The following TAFA1 variants were observed in gnomAD, a reference collection of about 807,000 sequenced individuals.
The protein encoded by TAFA1 is TAFA chemokine like family member 1, also known as chemokine-like protein TAFA-1.
A neutral mutation model predicts 18.5 loss-of-function variants in TAFA1; 4 were observed. That is an observed-to-expected ratio of 0.22 (90% confidence interval 0.11 to 0.49). TAFA1 has a LOEUF of 0.49. Among genes scored for constraint, TAFA1 ranks in the 20% least tolerant of loss-of-function variants. The probability of loss-of-function intolerance (pLI) is 0.98; values close to 1 mark genes in which losing one functional copy is unlikely to be tolerated. For synonymous variants in TAFA1, 56 were observed against 55.2 expected (o/e 1.01, Z -0.06); for missense variants, 147 against 169.0 (o/e 0.87, Z 0.72).
chr3:68,076,123 T>A (rs2064820353), intron 2 of TAFA1, among the ~76,000 whole-genome samples: 1 of 152,152 alleles, frequency 6.6e-6, no homozygotes, highest in East Asian at 1.9e-4. Flanking sequence ...TATTTAAGCA[T>A]TCTTGGTGAA....
intron 2 of TAFA1, among the ~76,000 whole-genome samples, chr3:68,283,386 T>C (rs2107261109): frequency 6.6e-6 from 1 of 152,304 alleles, no homozygotes; most frequent in South Asian, 2.1e-4. Context: ...ACACACCAAG[T>C]CAGGTATGGC....
At chr3:68,253,684 G>C (rs1427205688) in intron 2 of TAFA1, among the ~76,000 whole-genome samples, 1 of 152,188 alleles carries the variant, frequency 6.6e-6, no homozygotes, top group African/African-American at 2.4e-5. Context: ...ATGCTAGATA[G>C]TACAATGATT....
chr3:68,220,965 G>A (rs2066722271), intron 2 of TAFA1, among the ~76,000 whole-genome samples: 1 of 152,096 alleles, frequency 6.6e-6, no homozygotes, highest in Non-Finnish European at 1.5e-5. Flanking sequence ...GAACTGGGTT[G>A]CTTTATGTTC....
intron 2 of TAFA1, among the ~76,000 whole-genome samples, chr3:68,246,169 T>C (rs748201899): frequency 2.6e-5 from 4 of 152,168 alleles, no homozygotes; most frequent in African/African-American, 4.8e-5. Context: ...GTTGCCTTCA[T>C]TGTGTCCAAA....
At chr3:68,443,473 C>CAAAA (rs56944130) in intron 3 of TAFA1, among the ~76,000 whole-genome samples, 57 of 96,108 alleles carry the variant, frequency 5.9e-4, no homozygotes, top group African/African-American at 1.7e-3. Flanking sequence ...GGGCAATTTA[C>CAAAA]AAAAAAAAAA....
intron 2 of TAFA1, among the ~76,000 whole-genome samples, chr3:68,024,398 T>A (rs536209521): frequency 6.6e-6 from 1 of 152,240 alleles, no homozygotes; most frequent in Admixed American, 6.5e-5. Context: ...ATGGCAATAT[T>A]TTTCCTCTCC....
chr3:68,441,602 A>G (rs1356416164), intron 3 of TAFA1, among the ~76,000 whole-genome samples: 2 of 152,102 alleles, frequency 1.3e-5, no homozygotes, highest in African/African-American at 2.4e-5. Context: ...TCCATCATCA[A>G]ATAGAATTGA....
At chr3:68,163,080 G>A (rs1426668762) in intron 2 of TAFA1, among the ~76,000 whole-genome samples, 1 of 152,168 alleles carries the variant, frequency 6.6e-6, no homozygotes, top group South Asian at 2.1e-4. Flanking sequence ...AACAAATAAA[G>A]CTTTATTAAC....
chr3:68,535,644 A>G (rs2073267610), intron 3 of TAFA1, among the ~76,000 whole-genome samples: 1 of 152,214 alleles, frequency 6.6e-6, no homozygotes, highest in African/African-American at 2.4e-5. Context: ...ACAATATAAT[A>G]GAGTAGACAT....
chr3:68,344,314 CA>C (rs1311567515), intron 2 of TAFA1, among the ~76,000 whole-genome samples: 1 of 152,134 alleles, frequency 6.6e-6, no homozygotes, highest in African/African-American at 2.4e-5. Flanking sequence ...CTACTGTACA[CA>C]GTGAAAAACT....
intron 2 of TAFA1, among the ~76,000 whole-genome samples, chr3:68,039,099 G>A (rs1398133110): frequency 1.3e-5 from 2 of 152,100 alleles, no homozygotes; most frequent in Non-Finnish European, 2.9e-5. Context: ...CCATCTGCTG[G>A]TCCCCATATC....
intron 2 of TAFA1, among the ~76,000 whole-genome samples, chr3:68,164,676 G>A (rs73092987): frequency 0.018 from 2,594 of 144,826 alleles, 34 homozygotes; most frequent in Middle Eastern, 0.044. Flanking sequence ...GTAGTTACAC[G>A]GGGAAGTTAA....
chr3:68,326,269 C>T (rs558028499), intron 2 of TAFA1, among the ~76,000 whole-genome samples: 1 of 152,196 alleles, frequency 6.6e-6, no homozygotes, highest in East Asian at 1.9e-4. Context: ...TTGACATGTT[C>T]CTTGTGTCAC....
intron 2 of TAFA1, among the ~76,000 whole-genome samples, chr3:68,324,985 T>C (rs1400564455): frequency 1.8e-4 from 28 of 152,148 alleles, no homozygotes; most frequent in Non-Finnish European, 3.4e-4. Flanking sequence ...CCTTGTCTAA[T>C]GTGGGTGGGT....
intron 2 of TAFA1, among the ~76,000 whole-genome samples, chr3:68,148,126 A>G (rs917942456): frequency 1.3e-5 from 2 of 152,222 alleles, no homozygotes; most frequent in Non-Finnish European, 1.5e-5. Context: ...TAGTTTGTCT[A>G]ATTAATAGCC....
intron 2 of TAFA1, among the ~76,000 whole-genome samples, chr3:68,038,326 G>A (rs1035933937): frequency 6.6e-6 from 1 of 152,166 alleles, no homozygotes; most frequent in Non-Finnish European, 1.5e-5. Context: ...TCAAGATTTT[G>A]TGTTCCAGGA....
chr3:68,538,823 A>G lies in TAFA1; in HGVS notation c.327A>G (p.Thr109=), dbSNP rs777393903. The G allele has an allele frequency of 1.3e-5, 21 of 1,613,408 alleles. No individual in the cohort carries two copies. Among genetic ancestry groups the G allele is most frequent in the Middle Eastern group, 3.3e-4 (2 of 6,080 alleles). ...GCCTAGAAGGAGAAGAATGTAAGACACTCCCTGACAATTCTGGATGGATGT... is the reference window on the plus strand; with the variant it reads ...GCCTAGAAGGAGAAGAATGTAAGACGCTCCCTGACAATTCTGGATGGATGT... ...EPCLEGEECK[T]LPDNSGWMCA... is the part of the protein sequence containing the mutation. Residue 109 remains threonine, a synonymous_variant, in exon 4 of 5, where the codon ACA becomes ACG. Transcript: ENST00000478136.
intron 2 of TAFA1, among the ~76,000 whole-genome samples, chr3:68,343,992 C>A (rs554721840): frequency 6.6e-6 from 1 of 152,010 alleles, no homozygotes; most frequent in African/African-American, 2.4e-5. Context: ...TACAGGCATG[C>A]GCCACCACGC....
At chr3:68,011,444 T>G (rs1001836601) in intron 2 of TAFA1, among the ~76,000 whole-genome samples, 1 of 152,198 alleles carries the variant, frequency 6.6e-6, no homozygotes, top group Admixed American at 6.5e-5. Flanking sequence ...TTGCCTTGAT[T>G]ATTACATACT....
Sources: allele counts gnomAD v4.1 joint callset (sites outside exome capture counted in the v4.1 genomes callset), GRCh38; gene constraint gnomAD v4.1.1; transcripts MANE v1.5; gene names NCBI Gene and HGNC (gene_info 2026-07-23, HGNC 2026-07-21).